The following CYFIP1 variants were observed in gnomAD, a reference collection of about 807,000 sequenced individuals.
CYFIP1 encodes the protein cytoplasmic FMR1-interacting protein 1.
Under a neutral mutation model 163.5 loss-of-function variants are expected in CYFIP1, and 58 were observed. The ratio of observed to expected loss-of-function variants is 0.35; its 90% CI spans 0.29 to 0.44. CYFIP1 has a LOEUF of 0.44. CYFIP1 is among the 20% of genes least tolerant of loss of function. CYFIP1 has a pLI of 1.00. For missense variants in CYFIP1, 1,338 were observed against 1,653.8 expected (o/e 0.81, Z 3.31); for synonymous variants, 663 against 660.7 (o/e 1.00, Z -0.05).
chr15:22,889,021 G>A (rs10152793), intron 23 of CYFIP1, among the ~76,000 whole-genome samples: 4 of 151,172 alleles, frequency 2.6e-5, no homozygotes, highest in African/African-American at 7.3e-5. Flanking sequence ...CTCCAGCCTA[G>A]GGGACAGACT....
chr15:22,903,678 T>C, intron 22 of CYFIP1, 28 bp downstream of exon 22: 1 of 1,612,402 alleles, frequency 6.2e-7, no homozygotes, highest in South Asian at 1.1e-5. Context: ...GCCTCGCCTG[T>C]GGGCGCCTGT....
chr15:22,951,153 C>A (rs2140138388), intron 1 of CYFIP1, among the ~76,000 whole-genome samples: 2 of 152,254 alleles, frequency 1.3e-5, no homozygotes, highest in Non-Finnish European at 2.9e-5. Context: ...GGAGACGCCA[C>A]CCATTTTCTC....
rs2059153178 is a variant in CYFIP1 at position 22,867,171 on chromosome 15, A to AAAGT, written c.*2853_*2856dup. 2.2e-6 allele frequency: 1 copy of AAAGT among 444,768 alleles called. No individual in the cohort carries two copies. Among genetic ancestry groups the AAAGT allele is most frequent in the Non-Finnish European group, 3.9e-6 (1 of 254,754 alleles). 27.6% of individuals were successfully genotyped at this position (444,768 alleles called of 1,614,324 possible). A position where few individuals can be genotyped will look rare whatever the true frequency, so the allele number is the denominator to read the frequency against. ...ATGCTTTATTTTTTCATTGGTGATG[A>AAAGT]AAGTCTGAAATGTGCATTTGTCATC... is the stretch of plus-strand genomic sequence containing the variant. On this transcript the variant is annotated 3_prime_UTR_variant, in exon 31 of 31. Transcript: ENST00000617928.
rs1232273809 is a variant in CYFIP1, at chr15:22,867,116, T to C, written c.*2912A>G. 5 of 487,580 alleles carry C rather than the reference T, an allele frequency of 1.0e-5. No individual in the cohort carries two copies. The East Asian group carries it at 1.3e-4, about 12-fold the overall frequency. 30.2% of individuals were successfully genotyped at this position (487,580 alleles called of 1,614,324 possible). A position where few individuals can be genotyped will look rare whatever the true frequency, so the allele number is the denominator to read the frequency against. ...TTTCATCCCTTCTCCAAAAGCCGAA[T>C]GCACTAATGACAGTTTTAAGTCTAT... is the stretch of plus-strand genomic sequence containing the variant. On this transcript the variant is annotated 3_prime_UTR_variant, in exon 31 of 31. Coordinates refer to ENST00000617928, the MANE Select transcript of CYFIP1 (RefSeq NM_014608.6).
At chr15:22,902,250 A>T (rs2060416858) in intron 22 of CYFIP1, among the ~76,000 whole-genome samples, 1 of 152,230 alleles carries the variant, frequency 6.6e-6, no homozygotes, top group South Asian at 2.1e-4. Flanking sequence ...GGCTCTGAGC[A>T]GCTGCACGCA....
At chr15:22,926,150 A>G (rs746404644) in intron 12 of CYFIP1, 43 bp from the exon 13 acceptor site, 4 of 1,611,728 alleles carry the variant, frequency 2.5e-6, no homozygotes, top group Non-Finnish European at 3.4e-6. Context: ...ATTGCATGCA[A>G]AACGCCTGGC....
At chr15:22,916,788 G>C (rs369609767) in intron 15 of CYFIP1, 158 bp from the exon 16 acceptor site, 3 of 1,585,230 alleles carry the variant, frequency 1.9e-6, no homozygotes. Flanking sequence ...CTGTCTACGC[G>C]GCCACGTTGC....
intron 23 of CYFIP1, among the ~76,000 whole-genome samples, chr15:22,889,534 T>G (rs2060012604): frequency 6.6e-6 from 1 of 152,196 alleles, no homozygotes; most frequent in African/African-American, 2.4e-5. Flanking sequence ...CACAGTGCTA[T>G]CCTGGGATCT....
chr15:22,881,900 T>C lies in CYFIP1; in HGVS notation c.2857A>G (p.Met953Val), dbSNP rs779367300. 2 of 1,612,568 alleles carry C rather than the reference T, an allele frequency of 1.2e-6. No homozygotes were observed. The highest frequency in any genetic ancestry group is 3.3e-4 in the Middle Eastern group (2 of 6,062). Reference sequence around the variant, plus strand: ...CGGCAGATCTTGGGCATCACCTCCATCAGCGTCTTCACGTACTGCAGGATT... The same window carrying C: ...CGGCAGATCTTGGGCATCACCTCCACCAGCGTCTTCACGTACTGCAGGATT... Reference protein sequence around the residue: ...GTILQYVKTLMEVMPKICRLP... With the variant: ...GTILQYVKTLVEVMPKICRLP... Residue 953 changes from methionine to valine, a missense_variant, in exon 25 of 31, where the codon ATG becomes GTG. Physicochemically the swap from Met to Val is conservative, Grantham distance 21. Transcript: ENST00000617928.
intron 9 of CYFIP1, among the ~76,000 whole-genome samples, chr15:22,934,199 TTTTTTG>T: frequency 7.4e-6 from 1 of 135,126 alleles, no homozygotes; most frequent in South Asian, 2.5e-4. Context: ...TTTTTTTTTT[TTTTTTG>T]AGACAGAGTC....
At chr15:22,895,841 G>A (rs907210953) in intron 22 of CYFIP1, among the ~76,000 whole-genome samples, 1 of 152,176 alleles carries the variant, frequency 6.6e-6, no homozygotes, top group Non-Finnish European at 1.5e-5. Context: ...AGCGCCCCTG[G>A]CTGGCAGTAC....
rs201261474 is a variant in CYFIP1, at chr15:22,910,945, T to TG, written c.2083-133dup. ...ATTTTTTTGAGACGGAGTCTTGCTC[T>TG]GTTGCCCAGGCTGGAGCGCAGTAGT... On this transcript the variant is annotated intron_variant, in intron 18 of 30. Transcript: ENST00000617928. 5.6e-4 allele frequency: 442 copies of TG among 783,416 alleles called. 3 individuals are homozygous for TG. In the African/African-American group the frequency reaches 6.9e-3, roughly 12 times the overall value. 48.5% of individuals were successfully genotyped at this position (783,416 alleles called of 1,614,324 possible). A position where few individuals can be genotyped will look rare whatever the true frequency, so the allele number is the denominator to read the frequency against.
rs1377121201 is a variant in CYFIP1, at chr15:22,967,656, C to A, written c.-7+12631G>T. Among the ~76,000 whole-genome samples the A allele has an allele frequency of 2.0e-5, 3 of 152,178 alleles. No homozygotes were observed. In the East Asian group the frequency reaches 5.8e-4, roughly 29 times the overall value. The stretch of plus-strand genomic sequence containing the variant: ...ACCTGGGCCTGGGATAGAATCAGGG[C>A]AACCAAGAGCTCCAGAGGCTTCTCA... On this transcript the variant is annotated intron_variant, in intron 1 of 30. Transcript: ENST00000617928.
At chr15:22,876,537 AGTTT>A (rs1208012652) in intron 26 of CYFIP1, among the ~76,000 whole-genome samples, 2 of 152,040 alleles carry the variant, frequency 1.3e-5, no homozygotes, top group Admixed American at 1.3e-4. Context: ...GAACCACAAG[AGTTT>A]GTTTATGTGA....
intron 1 of CYFIP1, among the ~76,000 whole-genome samples, chr15:22,954,324 A>G (rs2062367536): frequency 6.6e-6 from 1 of 152,204 alleles, no homozygotes; most frequent in African/African-American, 2.4e-5. Flanking sequence ...TGTTTTGTTA[A>G]TGGTAGCCCT....
At chr15:22,910,378 T>G (rs2060743776) in intron 20 of CYFIP1, 142 bp downstream of exon 20, 1 of 638,782 alleles carries the variant, frequency 1.6e-6, no homozygotes, top group Non-Finnish European at 2.7e-6. Flanking sequence ...GCCAGGCTGG[T>G]CTTGAACTCC....
chr15:22,934,626 G>A (rs755362984), intron 9 of CYFIP1, among the ~76,000 whole-genome samples: 36 of 148,266 alleles, frequency 2.4e-4, no homozygotes, highest in Non-Finnish European at 4.3e-4. Flanking sequence ...GCCTCCCGAG[G>A]AGCTGGGACT....
Position 22,951,228 on chromosome 15 carries a change from C to T in CYFIP1, c.-6-3937G>A, listed in dbSNP as rs965802660. On this transcript the variant is annotated intron_variant, in intron 1 of 30. Transcript: ENST00000617928. Reference sequence around the variant, plus strand: ...CGCACCGCCAGCCACCTGGACCTCCCCGACACGTAAGGGAACGCCCCCGAC... The same window carrying T: ...CGCACCGCCAGCCACCTGGACCTCCTCGACACGTAAGGGAACGCCCCCGAC... 3.2e-5 allele frequency: 25 copies of T among 787,734 alleles called. No homozygotes were observed. The South Asian group carries it at 4.1e-4, about 13-fold the overall frequency. The allele number at this position is 787,734 out of a possible 1,614,324, so 48.8% of individuals were successfully genotyped here.
Position 22,944,872 on chromosome 15 carries a change from G to A in CYFIP1, c.275C>T (p.Ala92Val), listed in dbSNP as rs1424977625. Reference sequence around the variant, plus strand: ...AGGCGAGCGTGGCACCTGTGGGATGGCCCGGGAGCAGCTCCTCCAGGTGTA... The same window carrying A: ...AGGCGAGCGTGGCACCTGTGGGATGACCCGGGAGCAGCTCCTCCAGGTGTA... ...MLYTWRSCSR[A>V]IPQVKCNEQP... The change falls in exon 4 of 31, where the codon GCC becomes GTC. Residue 92 changes from alanine to valine, a missense_variant. Ala to Val is a moderately conservative substitution (Grantham distance 64). Transcript: ENST00000617928. 1 of 1,613,898 alleles carries A rather than the reference G, an allele frequency of 6.2e-7. No homozygotes were observed. The highest frequency in any genetic ancestry group is 8.5e-7 in the Non-Finnish European group (1 of 1,179,932).
Sources: gnomAD v4.1 joint callset for allele counts (sites outside exome capture counted in the v4.1 genomes callset) on GRCh38, gnomAD v4.1.1 for gene constraint, MANE v1.5 for transcripts, NCBI Gene and HGNC (gene_info 2026-07-23, HGNC 2026-07-21) for gene names.